ESRRG: variants seen among roughly 807,000 people sequenced by gnomAD.
ESRRG encodes estrogen related receptor gamma.
ESRRG carries 13 observed loss-of-function variants against 44.0 expected under a neutral mutation model. The ratio of observed to expected loss-of-function variants is 0.30; its 90% CI spans 0.19 to 0.47. The LOEUF is 0.47. ESRRG is among the 20% of genes least tolerant of loss of function. The probability of loss-of-function intolerance (pLI) is 1.00; values close to 1 mark genes in which losing one functional copy is unlikely to be tolerated. For missense variants in ESRRG, 395 were observed against 580.6 expected, an observed-to-expected ratio of 0.68 and a Z score of 3.29; for synonymous variants, 215 against 214.6, an observed-to-expected ratio of 1.00 and a Z score of -0.02.
intron 3 of ESRRG, among the ~76,000 whole-genome samples, chr1:216,624,644 T>G (rs535203701): frequency 2.6e-5 from 4 of 152,304 alleles, no homozygotes; most frequent in Non-Finnish European, 5.9e-5. Flanking sequence ...AGCTAATACA[T>G]AACCGAACCT....
chr1:216,894,440 T>C (rs1026146172), intron 2 of ESRRG, among the ~76,000 whole-genome samples: 5 of 152,122 alleles, frequency 3.3e-5, no homozygotes, highest in African/African-American at 7.2e-5. Context: ...GGTCCTATGG[T>C]AGCTGGAGTG....
At chr1:216,990,312 T>C (rs1262863678) in intron 1 of ESRRG, among the ~76,000 whole-genome samples, 1 of 152,236 alleles carries the variant, frequency 6.6e-6, no homozygotes, top group East Asian at 1.9e-4. Context: ...ACAGCACTAC[T>C]TATCCAAATT....
chr1:216,943,618 T>C (rs1350855462), intron 1 of ESRRG, among the ~76,000 whole-genome samples: 1 of 152,184 alleles, frequency 6.6e-6, no homozygotes. Context: ...GTAATCTACT[T>C]ACTACACACA....
intron 3 of ESRRG, among the ~76,000 whole-genome samples, chr1:216,640,814 T>G (rs1279660926): frequency 6.6e-6 from 1 of 152,108 alleles, no homozygotes; most frequent in African/African-American, 2.4e-5. Context: ...GATATACGTA[T>G]GCGTTGGTGA....
chr1:216,702,405 C>T (rs1368630382), intron 1 of ESRRG, among the ~76,000 whole-genome samples: 1 of 152,034 alleles, frequency 6.6e-6, no homozygotes, highest in Non-Finnish European at 1.5e-5. Flanking sequence ...TAAACCCACT[C>T]TAGACTTCCC....
At chr1:216,522,199 T>C (rs1276090119) in intron 5 of ESRRG, among the ~76,000 whole-genome samples, 4 of 151,604 alleles carry the variant, frequency 2.6e-5, no homozygotes, top group African/African-American at 9.7e-5. Flanking sequence ...CCTAACTTTT[T>C]CCTTTTGCTT....
At chr1:216,999,414 A>C (rs1560421188) in intron 1 of ESRRG, among the ~76,000 whole-genome samples, 2 of 152,214 alleles carry the variant, frequency 1.3e-5, no homozygotes, top group Non-Finnish European at 2.9e-5. Context: ...ACATTATCTC[A>C]TATTTACAAA....
At chr1:216,672,512 T>A (rs1453126064) in intron 2 of ESRRG, among the ~76,000 whole-genome samples, 2 of 152,236 alleles carry the variant, frequency 1.3e-5, no homozygotes, top group East Asian at 3.8e-4. Context: ...GTTTAAGAAG[T>A]ATTTTTCCCA....
At chr1:216,905,137 T>G (rs2059545330) in intron 2 of ESRRG, among the ~76,000 whole-genome samples, 2 of 152,120 alleles carry the variant, frequency 1.3e-5, no homozygotes, top group South Asian at 4.1e-4. Context: ...ACCTTAAGAC[T>G]TTCAACACAC....
chr1:216,920,383 A>AGTGT (rs10534433), intron 2 of ESRRG, among the ~76,000 whole-genome samples: 2,584 of 124,080 alleles, frequency 0.021, 30 homozygotes, highest in African/African-American at 0.031. Context: ...AATGTATGGG[A>AGTGT]GTGTGTGTGT....
Position 216,570,721 on chromosome 1 carries a change from C to CAG in ESRRG, c.590-2625_590-2624dup, listed in dbSNP as rs2060627442. On this transcript the variant is annotated intron_variant, in intron 3 of 6. Coordinates refer to ENST00000408911, the MANE Select transcript of ESRRG (RefSeq NM_001438.4). The stretch of plus-strand genomic sequence containing the variant: ...ATTAGAAGTGTGAAGAGAAGGCAGG[C>CAG]AGAGAGAGAGAAACAATGACAGGCA... Among the ~76,000 whole-genome samples, 8 of 152,068 alleles carry CAG rather than the reference C, an allele frequency of 5.3e-5. No homozygotes were observed. In the South Asian group the frequency reaches 1.7e-3, roughly 32 times the overall value.
At position 217,017,048 on chromosome 1, in the gene ESRRG, G is replaced by A. The variant is rs953809685; in HGVS notation, c.-106+72459C>T. On this transcript the variant is annotated intron_variant, in intron 1 of 7. Coordinates refer to the ESRRG transcript ENST00000359162. ...CTTTACTTTTTGGTAGCATTAGGAT[G>A]TTGACTTCAGCAATAAGCATGCTAT... Among the ~76,000 whole-genome samples, 4 of 152,288 alleles carry A rather than the reference G, an allele frequency of 2.6e-5. No homozygotes were observed. The East Asian group carries it at 7.7e-4, about 29-fold the overall frequency.
rs1002747886 is a variant in ESRRG at position 216,855,589 on chromosome 1, G to A, written c.-14+83993C>T. Among the ~76,000 whole-genome samples the A allele has an allele frequency of 7.2e-5, 11 of 152,244 alleles. No individual in the cohort carries two copies. The South Asian group carries it at 8.3e-4, about 11-fold the overall frequency. ...ATGTAAAGATGATACTGTCAAGGCCGCAACGAGACTGCCAAGGTCCAACAA... is the reference window on the plus strand; with the variant it reads ...ATGTAAAGATGATACTGTCAAGGCCACAACGAGACTGCCAAGGTCCAACAA... On this transcript the variant is annotated intron_variant, in intron 2 of 7. Transcript: ENST00000359162.
intron 2 of ESRRG, among the ~76,000 whole-genome samples, chr1:216,931,673 C>T (rs1246517497): frequency 1.3e-5 from 2 of 152,120 alleles, no homozygotes; most frequent in East Asian, 3.9e-4. Flanking sequence ...TCACACAAAG[C>T]AGAAATCCCT....
chr1:217,112,869 T>C (rs977795195), intron 1 of ESRRG, among the ~76,000 whole-genome samples: 1 of 152,206 alleles, frequency 6.6e-6, no homozygotes, highest in Non-Finnish European at 1.5e-5. Context: ...GAAAGCTTTG[T>C]AGACCCTCTC....
At chr1:216,925,388 G>A (rs1475090097) in intron 2 of ESRRG, among the ~76,000 whole-genome samples, 2 of 152,048 alleles carry the variant, frequency 1.3e-5, no homozygotes, top group Non-Finnish European at 2.9e-5. Context: ...AGTGAGCTGA[G>A]ATCACGCCAC....
At chr1:217,078,470 G>A (rs1160522912) in intron 1 of ESRRG, 1 of 152,248 alleles carries the variant, frequency 6.6e-6, no homozygotes, top group Non-Finnish European at 1.5e-5. Context: ...GGAGAGCAGA[G>A]CAACCTTTGA....
At chr1:216,530,393 C>T (rs1025725677) in intron 5 of ESRRG, among the ~76,000 whole-genome samples, 1 of 151,928 alleles carries the variant, frequency 6.6e-6, no homozygotes, top group East Asian at 1.9e-4. Context: ...TCACTGGACC[C>T]CAGTCTGATT....
intron 2 of ESRRG, among the ~76,000 whole-genome samples, chr1:216,915,041 A>T (rs1055020262): frequency 6.6e-6 from 1 of 152,190 alleles, no homozygotes; most frequent in African/African-American, 2.4e-5. Flanking sequence ...TGTGTGCCAA[A>T]GTATGTACAC....
Sources: allele counts gnomAD v4.1 joint callset (sites outside exome capture counted in the v4.1 genomes callset), GRCh38; gene constraint gnomAD v4.1.1; transcripts MANE v1.5; gene names NCBI Gene and HGNC (gene_info 2026-07-23, HGNC 2026-07-21).